The following CNTNAP5 variants were observed in gnomAD, a reference collection of about 807,000 sequenced individuals.
The protein encoded by CNTNAP5 is contactin associated protein family member 5.
In CNTNAP5, 72 loss-of-function variants were observed where a neutral mutation model predicts 150.2. The ratio of observed to expected loss-of-function variants is 0.48; its 90% CI spans 0.40 to 0.58. The LOEUF is 0.58. Among genes scored for constraint, CNTNAP5 ranks in the 20% least tolerant of loss-of-function variants. The pLI, the probability that CNTNAP5 is intolerant of heterozygous loss-of-function variation, is 0.00. For missense variants in CNTNAP5, 1,636 were observed against 1,626.2 expected, an observed-to-expected ratio of 1.01 and a Z score of -0.10; for synonymous variants, 672 against 619.8, an observed-to-expected ratio of 1.08 and a Z score of -1.25.
intron 1 of CNTNAP5, among the ~76,000 whole-genome samples, chr2:124,171,200 C>T (rs1684924711): frequency 6.6e-6 from 1 of 152,168 alleles, no homozygotes; most frequent in Non-Finnish European, 1.5e-5. Flanking sequence ...TGTTGGCTCT[C>T]CTGTCCTCTG....
At chr2:124,293,144 A>C (rs1688342202) in intron 3 of CNTNAP5, among the ~76,000 whole-genome samples, 1 of 150,586 alleles carries the variant, frequency 6.6e-6, no homozygotes. Context: ...AATATTTTTA[A>C]AAATTTTTAA....
intron 17 of CNTNAP5, among the ~76,000 whole-genome samples, chr2:124,776,270 T>A (rs766349150): frequency 8.6e-5 from 13 of 150,296 alleles, no homozygotes; most frequent in Non-Finnish European, 1.6e-4. Context: ...ACTTTTTATT[T>A]TTCCCATGGG....
chr2:124,724,865 T>A (rs551270697), intron 13 of CNTNAP5, among the ~76,000 whole-genome samples: 39 of 151,734 alleles, frequency 2.6e-4, no homozygotes, highest in Non-Finnish European at 4.6e-4. Flanking sequence ...TCCTTTACTG[T>A]GGTACATTAA....
At chr2:124,519,373 A>T (rs148837306) in intron 8 of CNTNAP5, among the ~76,000 whole-genome samples, 1 of 152,364 alleles carries the variant, frequency 6.6e-6, no homozygotes, top group African/African-American at 2.4e-5. Flanking sequence ...TTACCAAAAA[A>T]TAATAAAAAT....
chr2:124,658,454 T>C (rs1320303765), intron 13 of CNTNAP5, among the ~76,000 whole-genome samples: 1 of 150,392 alleles, frequency 6.6e-6, no homozygotes, highest in Non-Finnish European at 1.5e-5. Context: ...TACTTTTTTG[T>C]CACAGTAAGG....
At chr2:124,204,486 T>C (rs1685812627) in intron 1 of CNTNAP5, among the ~76,000 whole-genome samples, 1 of 152,216 alleles carries the variant, frequency 6.6e-6, no homozygotes, top group African/African-American at 2.4e-5. Context: ...GGTATCTTTA[T>C]AGCAGAGCCC....
At chr2:124,327,983 G>T (rs547596318) in intron 3 of CNTNAP5, among the ~76,000 whole-genome samples, 1 of 151,948 alleles carries the variant, frequency 6.6e-6, no homozygotes, top group Admixed American at 6.6e-5. Context: ...GTATTTTTAC[G>T]TTACAAAAGA....
chr2:124,911,615 C>A (rs1038852590), intron 23 of CNTNAP5, 77 bp downstream of exon 23: 3 of 1,186,304 alleles, frequency 2.5e-6, no homozygotes, highest in Non-Finnish European at 3.7e-6. Flanking sequence ...TGAAGCTTTC[C>A]TTAATTATGG....
intron 5 of CNTNAP5, among the ~76,000 whole-genome samples, chr2:124,440,988 A>C (rs558980449): frequency 6.6e-6 from 1 of 152,218 alleles, no homozygotes; most frequent in African/African-American, 2.4e-5. Context: ...ATCTCTAATA[A>C]TGGAAATTTC....
At chr2:124,180,321 G>A (rs1356154534) in intron 1 of CNTNAP5, among the ~76,000 whole-genome samples, 2 of 152,050 alleles carry the variant, frequency 1.3e-5, no homozygotes, top group African/African-American at 4.8e-5. Flanking sequence ...AGCGCTTGGT[G>A]GAAATTTGAA....
intron 3 of CNTNAP5, among the ~76,000 whole-genome samples, chr2:124,348,312 A>G (rs1218058175): frequency 6.6e-6 from 1 of 152,094 alleles, no homozygotes; most frequent in Non-Finnish European, 1.5e-5. Flanking sequence ...GATTAATTTT[A>G]TTTCATTTCT....
intron 19 of CNTNAP5, among the ~76,000 whole-genome samples, chr2:124,817,405 CAA>C (rs959506006): frequency 6.8e-6 from 1 of 147,996 alleles, no homozygotes; most frequent in African/African-American, 2.5e-5. Flanking sequence ...CCTTATACTT[CAA>C]AAAAAAAGTA....
intron 1 of CNTNAP5, among the ~76,000 whole-genome samples, chr2:124,042,376 T>C (rs558201075): frequency 6.6e-6 from 1 of 152,348 alleles, no homozygotes; most frequent in African/African-American, 2.4e-5. Context: ...AAGAATATTT[T>C]TAAGAAGGTG....
chr2:124,807,792 A>G (rs1008244826), intron 19 of CNTNAP5, among the ~76,000 whole-genome samples: 7 of 152,112 alleles, frequency 4.6e-5, no homozygotes, highest in African/African-American at 1.7e-4. Context: ...TGCCACATTT[A>G]CTTCCTGTGC....
chr2:124,587,988 A>C (rs999060796), intron 11 of CNTNAP5, among the ~76,000 whole-genome samples: 3 of 152,166 alleles, frequency 2.0e-5, no homozygotes, highest in African/African-American at 7.2e-5. Flanking sequence ...TGGAAACTTG[A>C]GTTTTCAGCA....
chr2:124,826,605 T>A (rs1682597757), intron 19 of CNTNAP5, among the ~76,000 whole-genome samples: 1 of 152,096 alleles, frequency 6.6e-6, no homozygotes, highest in Non-Finnish European at 1.5e-5. Flanking sequence ...GAGCTTCACT[T>A]GTGGACTCAT....
intron 1 of CNTNAP5, chr2:124,135,168 C>T (rs1351157838): frequency 6.6e-6 from 1 of 152,192 alleles, no homozygotes; most frequent in Non-Finnish European, 1.5e-5. Context: ...TAATTTTTCT[C>T]TGAATAAGCT....
At chr2:124,125,552 A>G (rs1683671948) in intron 1 of CNTNAP5, among the ~76,000 whole-genome samples, 1 of 152,218 alleles carries the variant, frequency 6.6e-6, no homozygotes, top group Admixed American at 6.5e-5. Flanking sequence ...TCAGATCTGC[A>G]CCAAGTGGAC....
chr2:124,813,552 CA>C (rs985340259), intron 19 of CNTNAP5, among the ~76,000 whole-genome samples: 1 of 148,048 alleles, frequency 6.8e-6, no homozygotes, highest in African/African-American at 2.4e-5. Flanking sequence ...CAATTACTTA[CA>C]GGGGCAACTT....
Sources: allele counts gnomAD v4.1 joint callset (sites outside exome capture counted in the v4.1 genomes callset), GRCh38; gene constraint gnomAD v4.1.1; transcripts MANE v1.5; gene names NCBI Gene and HGNC (gene_info 2026-07-23, HGNC 2026-07-21).